The following SH3RF3 variants were observed in gnomAD, a reference collection of about 807,000 sequenced individuals.
SH3RF3 encodes the protein E3 ubiquitin-protein ligase SH3RF3.
In SH3RF3, 29 loss-of-function variants were observed where a neutral mutation model predicts 66.3. The ratio of observed to expected loss-of-function variants is 0.44; its 90% confidence interval spans 0.33 to 0.60. The LOEUF is 0.60. Ranked by LOEUF, SH3RF3 falls within the 20% of genes least tolerant of loss-of-function variation. The pLI is 0.04. For missense variants in SH3RF3, 1,194 were observed against 1,190.9 expected (o/e 1.00, Z -0.04); for synonymous variants, 583 against 532.0 (o/e 1.10, Z -1.32).
chr2:109,458,728 A>G (rs1417765535), intron 8 of SH3RF3, among the ~76,000 whole-genome samples: 1 of 152,258 alleles, frequency 6.6e-6, no homozygotes, highest in African/African-American at 2.4e-5. Flanking sequence ...ATCATTGTCC[A>G]CAGGATGCCT....
At chr2:109,344,647 G>C (rs1184347987) in intron 1 of SH3RF3, among the ~76,000 whole-genome samples, 3 of 152,192 alleles carry the variant, frequency 2.0e-5, no homozygotes, top group African/African-American at 7.2e-5. Context: ...TGGGTGCAAG[G>C]AGAGATGACA....
intron 1 of SH3RF3, among the ~76,000 whole-genome samples, chr2:109,224,723 G>C (rs920203030): frequency 6.6e-6 from 1 of 152,258 alleles, no homozygotes; most frequent in Middle Eastern, 3.4e-3. Flanking sequence ...CCAGCATGGT[G>C]GTGGGCACCT....
chr2:109,205,003 G>T (rs1219745004), intron 1 of SH3RF3, among the ~76,000 whole-genome samples: 1 of 152,082 alleles, frequency 6.6e-6, no homozygotes, highest in East Asian at 1.9e-4. Flanking sequence ...AAGCCAGGAG[G>T]TTGAGACCGG....
intron 8 of SH3RF3, among the ~76,000 whole-genome samples, chr2:109,474,220 G>A (rs564392688): frequency 1.2e-3 from 183 of 152,294 alleles, no homozygotes; most frequent in African/African-American, 4.1e-3. Flanking sequence ...TGGCTCTCTA[G>A]GGAGGTGGGT....
At chr2:109,136,205 A>G (rs752460893) in intron 1 of SH3RF3, among the ~76,000 whole-genome samples, 35 of 151,698 alleles carry the variant, frequency 2.3e-4, no homozygotes, top group African/African-American at 8.0e-4. Context: ...TACAGTTAAC[A>G]TGATCTTTTT....
intron 6 of SH3RF3, 41 bp from the exon 7 acceptor site, chr2:109,436,852 C>T: frequency 6.2e-7 from 1 of 1,600,838 alleles, no homozygotes; most frequent in African/African-American, 1.3e-5. Context: ...ACGAATGCCT[C>T]TGAGCCTCTC....
chr2:109,384,154 C>T (rs761026713), intron 3 of SH3RF3, among the ~76,000 whole-genome samples: 2 of 152,218 alleles, frequency 1.3e-5, no homozygotes, highest in Non-Finnish European at 2.9e-5. Context: ...CCTTCCAGGC[C>T]GCCTGGGGTC....
At chr2:109,401,425 A>G (rs1452051851) in intron 4 of SH3RF3, among the ~76,000 whole-genome samples, 2 of 152,206 alleles carry the variant, frequency 1.3e-5, no homozygotes, top group African/African-American at 4.8e-5. Flanking sequence ...CTCTCACTGT[A>G]GTCAGGGACC....
intron 8 of SH3RF3, among the ~76,000 whole-genome samples, chr2:109,478,258 C>T (rs910003030): frequency 6.6e-6 from 1 of 152,214 alleles, no homozygotes; most frequent in Non-Finnish European, 1.5e-5. Context: ...TCTCAGTTCC[C>T]ATAAAGCCGT....
rs1418206186 is a variant in SH3RF3, at chr2:109,410,014, CA to C, written c.1300-9524del. Among the ~76,000 whole-genome samples the C allele has an allele frequency of 2.6e-5, 4 of 152,282 alleles. No homozygotes were observed. The East Asian group carries it at 7.7e-4, about 29-fold the overall frequency. On this transcript the variant is annotated intron_variant, in intron 4 of 9. Transcript: ENST00000309415. ...AAGAAAGAGACTCGGAGCCCCCGTACAGCCTGCCAACGCCCAGACCCTCTTT... is the reference window on the plus strand; with the variant it reads ...AAGAAAGAGACTCGGAGCCCCCGTACGCCTGCCAACGCCCAGACCCTCTTT...
chr2:109,259,673 C>G (rs1216219860), intron 1 of SH3RF3, among the ~76,000 whole-genome samples: 1 of 152,248 alleles, frequency 6.6e-6, no homozygotes, highest in Non-Finnish European at 1.5e-5. Flanking sequence ...AATGTCTATA[C>G]TTGCTCTCAC....
intron 1 of SH3RF3, among the ~76,000 whole-genome samples, chr2:109,298,078 A>G (rs889335114): frequency 6.6e-6 from 1 of 152,134 alleles, no homozygotes; most frequent in East Asian, 1.9e-4. Context: ...GGAGGTGGGG[A>G]TCTGTCCCAC....
At chr2:109,169,779 C>T (rs1349988365) in intron 1 of SH3RF3, among the ~76,000 whole-genome samples, 2 of 151,646 alleles carry the variant, frequency 1.3e-5, no homozygotes, top group Admixed American at 6.6e-5. Flanking sequence ...CACATGACCC[C>T]CCAAAATCAA....
intron 7 of SH3RF3, among the ~76,000 whole-genome samples, chr2:109,442,307 C>T (rs1677590842): frequency 1.4e-5 from 2 of 138,452 alleles, no homozygotes; most frequent in African/African-American, 5.6e-5. Context: ...TGAGACTCCA[C>T]CTCAAAAAAA....
intron 1 of SH3RF3, among the ~76,000 whole-genome samples, chr2:109,179,891 T>C (rs2104979205): frequency 6.6e-6 from 1 of 152,176 alleles, no homozygotes; most frequent in Non-Finnish European, 1.5e-5. Flanking sequence ...CGCAGGAAAA[T>C]ACAGGGGTCA....
Position 109,387,702 on chromosome 2 carries a change from T to A in SH3RF3, c.946-10888T>A, listed in dbSNP as rs756557492. ...TCCATGTACTTCTCACCATTCAACG[T>A]CCTCTATGTAATGAAATATTCACTT... On this transcript the variant is annotated intron_variant, in intron 3 of 9. Coordinates refer to ENST00000309415, the MANE Select transcript of SH3RF3 (RefSeq NM_001099289.3). Among the ~76,000 whole-genome samples, 5 of 152,212 alleles carry A rather than the reference T, an allele frequency of 3.3e-5. No homozygotes were observed. In the South Asian group the frequency reaches 8.3e-4, roughly 25 times the overall value.
intron 1 of SH3RF3, among the ~76,000 whole-genome samples, chr2:109,326,691 A>T (rs771481664): frequency 7.9e-5 from 12 of 152,224 alleles, no homozygotes; most frequent in Non-Finnish European, 1.8e-4. Context: ...TTCTTGAAAG[A>T]TCTATCTGTT....
chr2:109,248,686 C>T (rs1026130237), intron 1 of SH3RF3, among the ~76,000 whole-genome samples: 1 of 152,032 alleles, frequency 6.6e-6, no homozygotes, highest in African/African-American at 2.4e-5. Context: ...AAATGAAGTA[C>T]TGCATTTCTT....
intron 3 of SH3RF3, among the ~76,000 whole-genome samples, chr2:109,384,401 C>T (rs977853528): frequency 4.6e-5 from 7 of 151,858 alleles, no homozygotes; most frequent in African/African-American, 9.7e-5. Flanking sequence ...GCAGGGAAAG[C>T]GGCCTTCGGG....
Sources: gnomAD v4.1 joint callset for allele counts (sites outside exome capture counted in the v4.1 genomes callset) on GRCh38, gnomAD v4.1.1 for gene constraint, MANE v1.5 for transcripts, NCBI Gene and HGNC (gene_info 2026-07-23, HGNC 2026-07-21) for gene names.